The following PDS5B variants were observed in gnomAD, a reference collection of about 807,000 sequenced individuals.
PDS5B encodes PDS5 cohesin associated factor B.
A neutral mutation model predicts 184.1 loss-of-function variants in PDS5B; 51 were observed. The observed-to-expected ratio is 0.28, with a 90% CI of 0.22 to 0.35. The LOEUF is 0.35. PDS5B is among the 10% of genes least tolerant of loss of function. The pLI, the probability that PDS5B is intolerant of heterozygous loss-of-function variation, is 1.00. For synonymous variants in PDS5B, 566 were observed against 569.2 expected, an observed-to-expected ratio of 0.99 and a Z score of 0.08; for missense variants, 1,180 against 1,723.3, an observed-to-expected ratio of 0.68 and a Z score of 5.58.
At chr13:32,758,742 A>AGG (rs1021603486) in intron 28 of PDS5B, 89 bp downstream of exon 28, 67 of 1,285,862 alleles carry the variant, frequency 5.2e-5, no homozygotes, top group Non-Finnish European at 6.7e-5. Flanking sequence ...ATCATGGAAA[A>AGG]ATTGCTGTGA....
chr13:32,594,526 T>C (rs1428532232), intron 1 of PDS5B, among the ~76,000 whole-genome samples: 1 of 152,172 alleles, frequency 6.6e-6, no homozygotes, highest in Non-Finnish European at 1.5e-5. Context: ...ATATTTGGAA[T>C]TGGAAACTTG....
At chr13:32,742,816 T>C (rs1953606306) in intron 23 of PDS5B, 89 bp downstream of exon 23, 1 of 1,172,028 alleles carries the variant, frequency 8.5e-7, no homozygotes, top group African/African-American at 1.6e-5. Context: ...CTTTTTCTTT[T>C]TTTTTTAAAT....
At chr13:32,660,185 GCCC>G (rs1950606729) in intron 6 of PDS5B, among the ~76,000 whole-genome samples, 1 of 152,022 alleles carries the variant, frequency 6.6e-6, no homozygotes, top group Non-Finnish European at 1.5e-5. Flanking sequence ...ACTCTACCCA[GCCC>G]AGCCTCACTT....
At chr13:32,736,601 T>G (rs1212454919) in intron 21 of PDS5B, among the ~76,000 whole-genome samples, 1 of 152,138 alleles carries the variant, frequency 6.6e-6, no homozygotes, top group Admixed American at 6.5e-5. Context: ...TCCTTTATAG[T>G]TATTGTACTT....
intron 10 of PDS5B, among the ~76,000 whole-genome samples, chr13:32,683,225 G>A (rs1951295476): frequency 6.6e-6 from 1 of 151,864 alleles, no homozygotes; most frequent in Non-Finnish European, 1.5e-5. Flanking sequence ...GTGTTGGCCA[G>A]GCTGGTCTCC....
intron 1 of PDS5B, among the ~76,000 whole-genome samples, chr13:32,643,593 A>C (rs1021431133): frequency 6.6e-6 from 1 of 152,092 alleles, no homozygotes; most frequent in Non-Finnish European, 1.5e-5. Context: ...CCATAAGCTT[A>C]TAATACTGTA....
intron 1 of PDS5B, among the ~76,000 whole-genome samples, chr13:32,626,555 A>G (rs760666556): frequency 2.6e-5 from 4 of 151,056 alleles, no homozygotes; most frequent in Non-Finnish European, 1.5e-5. Context: ...ACAAAATGTG[A>G]TCATGAGCCT....
At chr13:32,642,420 T>A (rs1244675387) in intron 1 of PDS5B, among the ~76,000 whole-genome samples, 1 of 152,152 alleles carries the variant, frequency 6.6e-6, no homozygotes, top group African/African-American at 2.4e-5. Flanking sequence ...AATTGCTAAT[T>A]GTAGTAGGTT....
At chr13:32,719,135 A>C (rs1302404185) in intron 19 of PDS5B, among the ~76,000 whole-genome samples, 1 of 152,224 alleles carries the variant, frequency 6.6e-6, no homozygotes, top group Non-Finnish European at 1.5e-5. Flanking sequence ...AGGGACACTT[A>C]TACCAAGTCA....
intron 1 of PDS5B, among the ~76,000 whole-genome samples, chr13:32,605,443 G>T (rs999815099): frequency 3.3e-5 from 5 of 152,168 alleles, no homozygotes; most frequent in Non-Finnish European, 7.3e-5. Context: ...GAGACAGTTT[G>T]TTATAATTTC....
At chr13:32,769,170 A>C (rs930759051) in intron 31 of PDS5B, among the ~76,000 whole-genome samples, 23 of 151,970 alleles carry the variant, frequency 1.5e-4, no homozygotes, top group African/African-American at 2.4e-4. Context: ...ACACTTAAAA[A>C]TAAGCATAGA....
chr13:32,605,808 C>G (rs1007219948), intron 1 of PDS5B, among the ~76,000 whole-genome samples: 1 of 151,874 alleles, frequency 6.6e-6, no homozygotes, highest in Non-Finnish European at 1.5e-5. Flanking sequence ...GAATCGATCC[C>G]TTTACCATTA....
At chr13:32,693,802 G>C (rs1951622113) in intron 13 of PDS5B, among the ~76,000 whole-genome samples, 1 of 151,368 alleles carries the variant, frequency 6.6e-6, no homozygotes, top group East Asian at 1.9e-4. Flanking sequence ...CAGAGTTTTT[G>C]ACATATAAAA....
In PDS5B at chr13:32,607,181, A is replaced by G. The variant is rs546687042; in HGVS notation, c.-20+20588A>G. Among the ~76,000 whole-genome samples, 7 of 152,272 alleles carry G rather than the reference A, an allele frequency of 4.6e-5. No homozygotes were observed. In the East Asian group the frequency reaches 1.2e-3, roughly 25 times the overall value. On this transcript the variant is annotated intron_variant, in intron 1 of 34. Coordinates refer to ENST00000315596, the MANE Select transcript of PDS5B (RefSeq NM_015032.4). ...AGCTTTTCTGCTCTGGTTTCTCCCCATCTTTGTGGTTTTATCTACCTTTGG... is the reference window on the plus strand; with the variant it reads ...AGCTTTTCTGCTCTGGTTTCTCCCCGTCTTTGTGGTTTTATCTACCTTTGG...
At chr13:32,696,739 T>G (rs1951717925) in intron 14 of PDS5B, 115 bp from the exon 15 acceptor site, 1 of 702,416 alleles carries the variant, frequency 1.4e-6, no homozygotes, top group Admixed American at 2.6e-5. Flanking sequence ...ACAGTAGTGG[T>G]AAGAGCATGG....
At position 32,758,623 on chromosome 13, in the gene PDS5B, A is replaced by G. The variant is rs199707561; in HGVS notation, c.3279A>G (p.Leu1093=). 3.7e-6 allele frequency: 6 copies of G among 1,613,662 alleles called. No homozygotes were observed. In the Admixed American group the frequency reaches 5.0e-5, roughly 13 times the overall value. The change falls in exon 28 of 35, where the codon CTA becomes CTG. Residue 1093 remains leucine (L), a synonymous_variant. Transcript: ENST00000315596. ...TGGAATCTCCTAAAGACCCGGTACTACCAGCTCGTTTCTTCACTCAACCTG... is the reference window on the plus strand; with the variant it reads ...TGGAATCTCCTAAAGACCCGGTACTGCCAGCTCGTTTCTTCACTCAACCTG... ...YSLESPKDPV[L]PARFFTQPDK...
At chr13:32,717,127 C>G (rs1952478335) in intron 19 of PDS5B, among the ~76,000 whole-genome samples, 2 of 152,122 alleles carry the variant, frequency 1.3e-5, no homozygotes, top group Admixed American at 6.5e-5. Flanking sequence ...GCGCCTCTGC[C>G]CGGCCGCCCC....
intron 1 of PDS5B, among the ~76,000 whole-genome samples, chr13:32,605,889 C>T (rs2058052566): frequency 7.0e-6 from 1 of 143,264 alleles, no homozygotes; most frequent in South Asian, 2.2e-4. Context: ...AGGATTGCAA[C>T]CCCTGCTTTT....
At chr13:32,602,376 C>T (rs1471079008) in intron 1 of PDS5B, among the ~76,000 whole-genome samples, 7 of 152,162 alleles carry the variant, frequency 4.6e-5, no homozygotes, top group African/African-American at 1.7e-4. Flanking sequence ...CAATAGTTTG[C>T]TCAGAATGAT....
Sources: gnomAD v4.1 joint callset for allele counts (sites outside exome capture counted in the v4.1 genomes callset) on GRCh38, gnomAD v4.1.1 for gene constraint, MANE v1.5 for transcripts, NCBI Gene and HGNC (gene_info 2026-07-23, HGNC 2026-07-21) for gene names.